The following TSC22D1 variants were observed in gnomAD, a reference collection of about 807,000 sequenced individuals.
The protein encoded by TSC22D1 is TSC22 domain family member 1, also known as TSC22 domain family protein 1.
In TSC22D1, 9 loss-of-function variants were observed where a neutral mutation model predicts 74.2. That is an observed-to-expected ratio of 0.12 (90% CI 0.07 to 0.21). The LOEUF is 0.21. TSC22D1 is among the 10% of genes least tolerant of loss of function. The pLI, the probability that TSC22D1 is intolerant of heterozygous loss-of-function variation, is 1.00. For synonymous variants in TSC22D1, 586 were observed against 492.5 expected (o/e 1.19, Z -2.51); for missense variants, 1,427 against 1,304.7 (o/e 1.09, Z -1.44).
intron 1 of TSC22D1, among the ~76,000 whole-genome samples, chr13:44,446,145 T>C (rs972744862): frequency 2.6e-5 from 4 of 152,136 alleles, no homozygotes; most frequent in African/African-American, 9.7e-5. Context: ...AAACAAACCA[T>C]GGTACATCTA....
chr13:44,465,863 C>T (rs1877250920), intron 1 of TSC22D1, among the ~76,000 whole-genome samples: 1 of 152,174 alleles, frequency 6.6e-6, no homozygotes, highest in African/African-American at 2.4e-5. Flanking sequence ...ACCCCAGCCA[C>T]TTGGGAGCCT....
intron 1 of TSC22D1, among the ~76,000 whole-genome samples, chr13:44,492,645 C>A (rs532281805): frequency 8.5e-5 from 13 of 152,136 alleles, no homozygotes; most frequent in African/African-American, 2.6e-4. Context: ...TAAGCTCCCC[C>A]CTCCAAACAA....
intron 1 of TSC22D1, among the ~76,000 whole-genome samples, chr13:44,455,461 G>A (rs912571881): frequency 2.0e-5 from 3 of 152,110 alleles, no homozygotes; most frequent in African/African-American, 4.8e-5. Context: ...TATGGTACAC[G>A]GTGCATTTAA....
chr13:44,536,925 T>A (rs1566159445), intron 1 of TSC22D1: 2 of 607,526 alleles, frequency 3.3e-6, no homozygotes, highest in Non-Finnish European at 3.7e-6. Context: ...AGTATTTTTC[T>A]GAAAAAAAAA....
chr13:44,554,680 C>G lies in TSC22D1; in HGVS notation c.2912+18483G>C, dbSNP rs563282884. 1.8e-3 allele frequency among the ~76,000 whole-genome samples: 258 copies of G among 145,728 alleles called. 1 individual carries two copies. Among genetic ancestry groups the G allele is most frequent in the Non-Finnish European group, 2.9e-3 (195 of 66,330 alleles). ...GAGGTACTGTTAAAAACCTTCTAGG[C>G]TAAAAGACAATTGCTTAAACTACCT... On this transcript the variant is annotated intron_variant, in intron 1 of 2. Coordinates refer to ENST00000458659, the MANE Select transcript of TSC22D1 (RefSeq NM_183422.4).
intron 1 of TSC22D1, among the ~76,000 whole-genome samples, chr13:44,525,077 A>G (rs1322387487): frequency 6.6e-6 from 1 of 152,184 alleles, no homozygotes; most frequent in Non-Finnish European, 1.5e-5. Flanking sequence ...AAAATATCCA[A>G]CTAGGGTTCT....
intron 1 of TSC22D1, among the ~76,000 whole-genome samples, chr13:44,501,386 G>A (rs112374997): frequency 2.6e-4 from 39 of 152,282 alleles, no homozygotes; most frequent in African/African-American, 9.1e-4. Context: ...AGTAGCCCAG[G>A]TACCTGAATT....
intron 1 of TSC22D1, among the ~76,000 whole-genome samples, chr13:44,484,122 GACAT>G (rs1878320690): frequency 6.6e-6 from 1 of 151,954 alleles, no homozygotes; most frequent in Non-Finnish European, 1.5e-5. Flanking sequence ...AAATAAAACA[GACAT>G]ACATACTATC....
At chr13:44,522,864 CTG>C (rs1880379584) in intron 1 of TSC22D1, among the ~76,000 whole-genome samples, 1 of 151,644 alleles carries the variant, frequency 6.6e-6, no homozygotes, top group Non-Finnish European at 1.5e-5. Flanking sequence ...CTGTAAAACA[CTG>C]TTTAAAAAAA....
intron 1 of TSC22D1, among the ~76,000 whole-genome samples, chr13:44,527,558 G>A (rs540459392): frequency 6.6e-6 from 1 of 152,062 alleles, no homozygotes; most frequent in Non-Finnish European, 1.5e-5. Context: ...GACAGAAAAT[G>A]GAATTATTTA....
intron 1 of TSC22D1, among the ~76,000 whole-genome samples, chr13:44,515,885 A>G (rs1356743703): frequency 6.6e-6 from 1 of 152,246 alleles, no homozygotes; most frequent in Non-Finnish European, 1.5e-5. Context: ...AATATGTACC[A>G]TTTTACACCT....
chr13:44,507,918 G>A (rs537694551), intron 1 of TSC22D1, among the ~76,000 whole-genome samples: 1 of 152,296 alleles, frequency 6.6e-6, no homozygotes, highest in Non-Finnish European at 1.5e-5. Context: ...GAGCCCTGGG[G>A]AATCACAGGC....
In TSC22D1 at chr13:44,576,078, GT is replaced by G; in HGVS notation, c.-5del. The G allele has an allele frequency of 6.5e-7, 1 of 1,540,156 alleles. No homozygotes were observed. Among genetic ancestry groups the G allele is most frequent in the South Asian group, 1.2e-5 (1 of 83,432 alleles). Reference sequence around the variant, plus strand: ...TGGACTCAGGCGGCTGGTGCATTGTGTTGGGTACCGGGGGCGCGGAGGAGAC... The same window carrying G: ...TGGACTCAGGCGGCTGGTGCATTGTGTGGGTACCGGGGGCGCGGAGGAGAC... On this transcript the variant is annotated 5_prime_UTR_variant, in exon 1 of 3. Coordinates refer to ENST00000458659, the MANE Select transcript of TSC22D1 (RefSeq NM_183422.4).
At chr13:44,465,136 G>A (rs1343392474) in intron 1 of TSC22D1, among the ~76,000 whole-genome samples, 1 of 152,156 alleles carries the variant, frequency 6.6e-6, no homozygotes, top group Non-Finnish European at 1.5e-5. Context: ...TCGTGGCATA[G>A]AAGAAATGTC....
At chr13:44,472,158 T>C (rs1267144414) in intron 1 of TSC22D1, among the ~76,000 whole-genome samples, 1 of 152,334 alleles carries the variant, frequency 6.6e-6, no homozygotes, top group Non-Finnish European at 1.5e-5. Context: ...GAGGTATGTA[T>C]GTATAGGGAA....
At chr13:44,489,778 G>C (rs1297366673) in intron 1 of TSC22D1, among the ~76,000 whole-genome samples, 5 of 152,090 alleles carry the variant, frequency 3.3e-5, no homozygotes, top group Admixed American at 3.3e-4. Flanking sequence ...CCTATTGATA[G>C]ATCTATGCTC....
chr13:44,440,542 C>G (rs1329896848), intron 1 of TSC22D1, among the ~76,000 whole-genome samples: 5 of 140,468 alleles, frequency 3.6e-5, no homozygotes, highest in Admixed American at 1.5e-4. Context: ...GAGCTGAGAT[C>G]GCATCATTGC....
chr13:44,571,551 C>T (rs376370472), intron 1 of TSC22D1, among the ~76,000 whole-genome samples: 9 of 152,180 alleles, frequency 5.9e-5, no homozygotes, highest in South Asian at 2.1e-4. Context: ...GTATTTTACC[C>T]GTCTTTTGTT....
intron 1 of TSC22D1, among the ~76,000 whole-genome samples, chr13:44,566,878 C>T (rs1883408831): frequency 6.6e-6 from 1 of 151,976 alleles, no homozygotes; most frequent in Non-Finnish European, 1.5e-5. Flanking sequence ...CTGCAAAATC[C>T]CCAAAAGACT....
Sources: allele counts gnomAD v4.1 joint callset (sites outside exome capture counted in the v4.1 genomes callset), GRCh38; gene constraint gnomAD v4.1.1; transcripts MANE v1.5; gene names NCBI Gene and HGNC (gene_info 2026-07-23, HGNC 2026-07-21).